ASCC3: variants seen among roughly 807,000 people sequenced by gnomAD.
The protein encoded by ASCC3 is activating signal cointegrator 1 complex subunit 3.
ASCC3 carries 158 observed loss-of-function variants against 256.3 expected under a neutral mutation model. The observed-to-expected ratio is 0.62, with a 90% CI of 0.54 to 0.70. The LOEUF is 0.70. Among genes scored for constraint, ASCC3 ranks in the 30% least tolerant of loss-of-function variants. The probability of loss-of-function intolerance (pLI) is 0.00; values close to 1 mark genes in which losing one functional copy is unlikely to be tolerated. For missense variants in ASCC3, 2,259 were observed against 2,626.0 expected, an observed-to-expected ratio of 0.86 and a Z score of 3.05; for synonymous variants, 948 against 883.4, an observed-to-expected ratio of 1.07 and a Z score of -1.30.
intron 16 of ASCC3, among the ~76,000 whole-genome samples, chr6:100,656,504 T>C (rs551887583): frequency 5.3e-4 from 81 of 151,706 alleles, no homozygotes; most frequent in African/African-American, 1.9e-3. Flanking sequence ...GGAAAAAATA[T>C]TCATGCATTT....
chr6:100,683,973 G>A (rs1173315536), intron 13 of ASCC3, among the ~76,000 whole-genome samples: 1 of 152,014 alleles, frequency 6.6e-6, no homozygotes, highest in East Asian at 1.9e-4. Flanking sequence ...AAAAAAGTAT[G>A]TAAATTTGAG....
At chr6:100,766,489 T>C in intron 10 of ASCC3, 76 bp downstream of exon 10, 3 of 1,384,086 alleles carry the variant, frequency 2.2e-6, no homozygotes, top group East Asian at 2.4e-5. Flanking sequence ...TTATTTAAGA[T>C]ATAGTCATTT....
intron 37 of ASCC3, among the ~76,000 whole-genome samples, chr6:100,527,408 G>A (rs138906631): frequency 2.7e-4 from 41 of 152,228 alleles, no homozygotes; most frequent in Middle Eastern, 6.8e-3. Flanking sequence ...AAAACATTTC[G>A]TACAGGTATT....
At chr6:100,677,983 T>C (rs1777112131) in intron 14 of ASCC3, among the ~76,000 whole-genome samples, 1 of 152,086 alleles carries the variant, frequency 6.6e-6, no homozygotes, top group Admixed American at 6.6e-5. Flanking sequence ...TATAAATTAT[T>C]ATAATATGCT....
chr6:100,712,515 C>T (rs577526815), intron 13 of ASCC3, among the ~76,000 whole-genome samples: 1 of 152,174 alleles, frequency 6.6e-6, no homozygotes, highest in South Asian at 2.1e-4. Context: ...TGAAAAGACG[C>T]TTAATATCAC....
At chr6:100,631,016 TAA>T in intron 26 of ASCC3, 110 bp downstream of exon 26, 1 of 767,562 alleles carries the variant, frequency 1.3e-6, no homozygotes, top group Non-Finnish European at 2.2e-6. Flanking sequence ...AGCAGTTAAA[TAA>T]AAGACTATGA....
chr6:100,750,465 G>A (rs1264450514), intron 10 of ASCC3, among the ~76,000 whole-genome samples: 1 of 151,884 alleles, frequency 6.6e-6, no homozygotes, highest in Non-Finnish European at 1.5e-5. Flanking sequence ...AGTGAATTAT[G>A]TCTGCCAAGA....
intron 39 of ASCC3, among the ~76,000 whole-genome samples, chr6:100,514,663 G>T (rs1773933484): frequency 6.6e-6 from 1 of 151,808 alleles, no homozygotes; most frequent in Non-Finnish European, 1.5e-5. Context: ...TAAAGAAACT[G>T]CTAAGACATT....
intron 36 of ASCC3, among the ~76,000 whole-genome samples, chr6:100,582,757 C>T (rs373304340): frequency 2.0e-5 from 3 of 151,814 alleles, no homozygotes; most frequent in Admixed American, 1.3e-4. Context: ...TTGAGATATG[C>T]CCCATCAATA....
At position 100,631,180 on chromosome 6, in the gene ASCC3, G is replaced by A. The variant is rs772719198; in HGVS notation, c.4156C>T (p.Arg1386Cys). 1.5e-5 allele frequency: 24 copies of A among 1,611,984 alleles called. No individual in the cohort carries two copies. The highest frequency in any genetic ancestry group is 3.3e-5 in the South Asian group (3 of 90,954). ...VYIAPLKALV[R>C]ERMDDWKVRI... ...ACTTTCCAATCATCCATTCTTTCAC[G>A]TACTAGGGCTTTTAGGGGTGCAATA... The change falls in exon 26 of 42, where the codon CGT becomes TGT. Residue 1386 changes from arginine (R) to cysteine (C), a missense_variant. By Grantham distance (180) the Arg-to-Cys change is radical. This residue lies in a region of ASCC3 where 1,839 missense variants were observed against 2,206.7 expected (regional missense o/e 0.83). Coordinates refer to ENST00000369162, the MANE Select transcript of ASCC3 (RefSeq NM_006828.4).
At chr6:100,701,068 C>T (rs914073195) in intron 13 of ASCC3, among the ~76,000 whole-genome samples, 2 of 152,152 alleles carry the variant, frequency 1.3e-5, no homozygotes, top group Admixed American at 6.5e-5. Context: ...GTAACTCCCA[C>T]AATTCCCATG....
intron 3 of ASCC3, chr6:100,858,305 T>C: frequency 2.6e-6 from 1 of 380,242 alleles, no homozygotes; most frequent in Non-Finnish European, 3.6e-6. Context: ...TTCCAGTCTT[T>C]ATGCCCTTAC....
At chr6:100,626,137 G>T (rs889442427) in intron 29 of ASCC3, among the ~76,000 whole-genome samples, 1 of 151,570 alleles carries the variant, frequency 6.6e-6, no homozygotes, top group Non-Finnish European at 1.5e-5. Context: ...ATCTTGAAAT[G>T]AGGTTTTTTG....
At position 100,605,599 on chromosome 6, in the gene ASCC3, A is replaced by T; in HGVS notation, c.5146T>A (p.Phe1716Ile). Residue 1716 changes from phenylalanine to isoleucine, a missense_variant, in exon 33 of 42, where the codon TTT becomes ATT. Phe to Ile is a conservative substitution (Grantham distance 21, BLOSUM62 0). Transcript: ENST00000369162. ...TCTACTGGGAAAGGTTCATAAAGAA[A>T]TTTTTTATAAAAGTCTTTCTTTATG... ...HDIKKDFYKKFLYEPFPVESS... is the reference protein window; with the variant it reads ...HDIKKDFYKKILYEPFPVESS... The T allele has an allele frequency of 6.4e-7, 1 of 1,563,496 alleles. No individual in the cohort carries two copies.
At chr6:100,598,483 T>TC (rs1772431166) in intron 34 of ASCC3, among the ~76,000 whole-genome samples, 1 of 108,264 alleles carries the variant, frequency 9.2e-6, no homozygotes, top group South Asian at 2.5e-4. Context: ...TTAATAAACC[T>TC]CTTAAGATTT....
At chr6:100,737,269 T>C (rs1240147906) in intron 10 of ASCC3, among the ~76,000 whole-genome samples, 1 of 151,578 alleles carries the variant, frequency 6.6e-6, no homozygotes, top group East Asian at 1.9e-4. Flanking sequence ...GTGCAAGATG[T>C]ACAGGTTTAT....
chr6:100,527,809 T>C (rs1346877119), intron 37 of ASCC3, among the ~76,000 whole-genome samples: 2 of 152,072 alleles, frequency 1.3e-5, no homozygotes, highest in East Asian at 1.9e-4. Context: ...TGTGTATCCA[T>C]AGATATACAC....
chr6:100,876,878 G>A (rs76191220), intron 1 of ASCC3, among the ~76,000 whole-genome samples: 3,258 of 152,200 alleles, frequency 0.021, 64 homozygotes, highest in Non-Finnish European at 0.031. Flanking sequence ...CAGGTAAAAA[G>A]AAAGTCTTAA....
chr6:100,647,174 A>G (rs756391053), intron 21 of ASCC3, 52 bp downstream of exon 21: 136 of 1,460,972 alleles, frequency 9.3e-5, no homozygotes, highest in Non-Finnish European at 1.2e-4. Flanking sequence ...ACCCAGCAAC[A>G]TATTTTATTT....
Sources: gnomAD v4.1 joint callset for allele counts (sites outside exome capture counted in the v4.1 genomes callset) on GRCh38, gnomAD v4.1.1 for gene constraint, gnomAD v4.1.1 regional missense constraint, MANE v1.5 for transcripts, NCBI Gene and HGNC (gene_info 2026-07-23, HGNC 2026-07-21) for gene names.